The following BRAF variants were observed in gnomAD, a reference collection of about 807,000 sequenced individuals.
BRAF encodes serine/threonine-protein kinase B-raf.
In BRAF, 16 loss-of-function variants were observed where a neutral mutation model predicts 104.6. The ratio of observed to expected loss-of-function variants is 0.15; its 90% confidence interval spans 0.10 to 0.23. BRAF has a LOEUF of 0.23. BRAF is among the 10% of genes least tolerant of loss of function. The pLI is 1.00. For synonymous variants in BRAF, 310 were observed against 341.6 expected, an observed-to-expected ratio of 0.91 and a Z score of 1.02; for missense variants, 541 against 937.3, an observed-to-expected ratio of 0.58 and a Z score of 5.52.
chr7:140,811,104 G>A (rs1804214463), intron 3 of BRAF, among the ~76,000 whole-genome samples: 1 of 152,190 alleles, frequency 6.6e-6, no homozygotes, highest in East Asian at 1.9e-4. Context: ...TGAGTTCAAT[G>A]TTAATGAATC....
chr7:140,751,172 C>G (rs1797757082), intron 16 of BRAF, among the ~76,000 whole-genome samples: 1 of 151,978 alleles, frequency 6.6e-6, no homozygotes, highest in African/African-American at 2.4e-5. Context: ...CAGGTATCAA[C>G]AAAAAATTAA....
At chr7:140,747,337 TAGAA>T (rs2128992674) in intron 17 of BRAF, 3 of 1,191,368 alleles carry the variant, frequency 2.5e-6, no homozygotes, top group Non-Finnish European at 3.2e-6. Flanking sequence ...ACTATACTAT[TAGAA>T]AGAATTAACT....
At chr7:140,827,999 C>T (rs1038727076) in intron 3 of BRAF, among the ~76,000 whole-genome samples, 8 of 152,088 alleles carry the variant, frequency 5.3e-5, no homozygotes, top group African/African-American at 1.7e-4. Context: ...CAGGTTCAAG[C>T]GATTCTCCTG....
intron 1 of BRAF, among the ~76,000 whole-genome samples, chr7:140,875,967 GAAAT>G (rs1812199671): frequency 6.6e-6 from 1 of 152,202 alleles, no homozygotes; most frequent in Non-Finnish European, 1.5e-5. Flanking sequence ...ACACAGAAGG[GAAAT>G]AATACCGGAA....
intron 5 of BRAF, among the ~76,000 whole-genome samples, chr7:140,803,715 T>C (rs935676745): frequency 2.6e-5 from 4 of 152,092 alleles, no homozygotes; most frequent in African/African-American, 9.7e-5. Context: ...AGAACATGAG[T>C]CACGTAACAG....
intron 1 of BRAF, among the ~76,000 whole-genome samples, chr7:140,878,884 T>C (rs1368997219): frequency 6.6e-6 from 1 of 152,108 alleles, no homozygotes; most frequent in Non-Finnish European, 1.5e-5. Flanking sequence ...TCCATTTTTT[T>C]TTCCTTTGAG....
intron 19 of BRAF, chr7:140,733,127 G>A (rs546515413): frequency 4.9e-4 from 75 of 152,206 alleles, no homozygotes; most frequent in African/African-American, 1.5e-3. Context: ...ACCCAAATGA[G>A]GGGTTAAAGA....
intron 1 of BRAF, among the ~76,000 whole-genome samples, chr7:140,908,962 T>G (rs559067899): frequency 1.3e-4 from 17 of 135,826 alleles, no homozygotes; most frequent in African/African-American, 4.0e-4. Context: ...CCACTATCTT[T>G]TCAGCTCTGC....
At chr7:140,884,462 T>C (rs6948377) in intron 1 of BRAF, among the ~76,000 whole-genome samples, 16,250 of 149,572 alleles carry the variant, frequency 0.11, 1,127 homozygotes, top group South Asian at 0.19. Context: ...TGTGTGTGTG[T>C]GTGTGTGTGT....
At chr7:140,863,017 T>C (rs1234801376) in intron 1 of BRAF, among the ~76,000 whole-genome samples, 1 of 152,158 alleles carries the variant, frequency 6.6e-6, no homozygotes, top group East Asian at 1.9e-4. Context: ...ACATGTTAAG[T>C]TCTCAAAAAA....
chr7:140,751,515 T>C lies in BRAF; in HGVS notation c.1980+1760A>G, dbSNP rs187563394. Among the ~76,000 whole-genome samples, 4 of 152,202 alleles carry C rather than the reference T, an allele frequency of 2.6e-5. No homozygotes were observed. The East Asian group carries it at 7.7e-4, about 29-fold the overall frequency. On this transcript the variant is annotated intron_variant, in intron 16 of 19. Transcript: ENST00000644969. Reference sequence around the variant, plus strand: ...AATTAAAAGTTAAACATATGTTAAATAATGGAAAAAATCTAGCTAACTCCA... The same window carrying C: ...AATTAAAAGTTAAACATATGTTAAACAATGGAAAAAATCTAGCTAACTCCA...
At chr7:140,793,384 T>G (rs1163983448) in intron 8 of BRAF, among the ~76,000 whole-genome samples, 2 of 152,222 alleles carry the variant, frequency 1.3e-5, no homozygotes, top group East Asian at 3.9e-4. Context: ...TAAGGAAAAC[T>G]AGTACTAGAA....
Position 140,924,670 on chromosome 7 carries a change from C to G in BRAF, c.34G>C (p.Ala12Pro). The change falls in exon 1 of 20, where the codon GCG becomes CCG. Residue 12 changes from alanine (A) to proline (P), a missense_variant. Physicochemically the swap from Ala to Pro is conservative, Grantham distance 27 (BLOSUM62 -1). Around this residue, in one of 10 missense-constraint regions of BRAF, gnomAD observed 82 missense variants for 65.9 expected, o/e 1.24. Transcript: ENST00000644969. This position sits in a 1 kb window ranked among gnomAD's most constrained non-coding sequence, Gnocchi z 4.2. ...TTGAACAGAGCCTGGCCCGGCTCCG[C>G]GCCGCCACCACCGCCACCGCTCAGC... ...AALSGGGGGG[A>P]EPGQALFNGD... 7.8e-7 allele frequency: 1 copy of G among 1,276,490 alleles called. No individual in the cohort carries two copies. The highest frequency in any genetic ancestry group is 1.1e-6 in the Non-Finnish European group (1 of 923,176). The allele number at this position is 1,276,490 out of a possible 1,614,324, so 79.1% of individuals were successfully genotyped here.
chr7:140,881,308 T>C (rs1812878893), intron 1 of BRAF, among the ~76,000 whole-genome samples: 1 of 152,244 alleles, frequency 6.6e-6, no homozygotes, highest in Admixed American at 6.5e-5. Context: ...CAGCCTGTCC[T>C]TTGAAGCTTT....
At position 140,780,166 on chromosome 7, in the gene BRAF, C is replaced by T. The variant is rs981570455; in HGVS notation, c.1552+1410G>A. Among the ~76,000 whole-genome samples the T allele has an allele frequency of 4.0e-5, 6 of 151,256 alleles. No individual in the cohort carries two copies. In the East Asian group the frequency reaches 7.8e-4, roughly 20 times the overall value. Reference sequence around the variant, plus strand: ...AAAAGTGACATTATATGTTATTAGGCTTTTACATGAATTTAGTGTGAATAT... The same window carrying T: ...AAAAGTGACATTATATGTTATTAGGTTTTTACATGAATTTAGTGTGAATAT... On this transcript the variant is annotated intron_variant, in intron 12 of 19. Transcript: ENST00000644969.
chr7:140,775,021 C>T lies in BRAF; in HGVS notation c.1814+1891G>A, dbSNP rs116683420. ...CCTGCATTCTAGTGGGGATAAAAGA[C>T]AAGAAACAAGTCAGATGGAGCTATG... On this transcript the variant is annotated intron_variant, in intron 14 of 19. Coordinates refer to ENST00000644969, the MANE Select transcript of BRAF (RefSeq NM_001374258.1). 6.0e-3 allele frequency among the ~76,000 whole-genome samples: 910 copies of T among 152,104 alleles called. 12 individuals carry two copies. Among genetic ancestry groups the T allele is most frequent in the African/African-American group, 0.021 (865 of 41,504 alleles).
chr7:140,837,324 G>A (rs898430107), intron 2 of BRAF, among the ~76,000 whole-genome samples: 2 of 152,056 alleles, frequency 1.3e-5, no homozygotes, highest in African/African-American at 2.4e-5. Flanking sequence ...AGAACCTCAC[G>A]CACCCCTGGG....
At chr7:140,753,844 A>G (rs1797986627) in intron 15 of BRAF, 2 of 370,648 alleles carry the variant, frequency 5.4e-6, no homozygotes, top group South Asian at 5.4e-5. Context: ...GTCTTCAGTT[A>G]TATCTCAACT....
chr7:140,814,694 A>C lies in BRAF; in HGVS notation c.505-5699T>G, dbSNP rs184396686. Among the ~76,000 whole-genome samples the C allele has an allele frequency of 8.1e-3, 1,186 of 147,108 alleles. 16 individuals are homozygous for C. The highest frequency in any genetic ancestry group is 0.028 in the African/African-American group (1,110 of 40,336). ...AATATATATATATAAAATTCATATA[A>C]TTTATACTTTATATATAATGTATAT... On this transcript the variant is annotated intron_variant, in intron 3 of 19. Coordinates refer to ENST00000644969, the MANE Select transcript of BRAF (RefSeq NM_001374258.1).
Sources: gnomAD v4.1 joint callset for allele counts (sites outside exome capture counted in the v4.1 genomes callset) on GRCh38, gnomAD v4.1.1 for gene constraint, gnomAD v4.1.1 regional missense constraint, Gnocchi (gnomAD v3.1) non-coding constraint, MANE v1.5 for transcripts, NCBI Gene and HGNC (gene_info 2026-07-23, HGNC 2026-07-21) for gene names.